The following FOXF1 variants were observed in gnomAD, a reference collection of about 807,000 sequenced individuals.
FOXF1 encodes the protein forkhead box protein F1.
In FOXF1, 9 loss-of-function variants were observed where a neutral mutation model predicts 26.6. The ratio of observed to expected loss-of-function variants is 0.34; its 90% confidence interval spans 0.20 to 0.59. The LOEUF (loss-of-function observed/expected upper bound fraction) is 0.59. FOXF1 is among the 20% of genes least tolerant of loss of function. The pLI is 0.83. For missense variants in FOXF1, 499 were observed against 549.9 expected, an observed-to-expected ratio of 0.91 and a Z score of 0.93; for synonymous variants, 330 against 257.7, an observed-to-expected ratio of 1.28 and a Z score of -2.69.
Position 86,510,617 on chromosome 16 carries a change from C to G in FOXF1, c.48C>G (p.Gly16=). ...EKQQPPHGGG[G]GGGGGGGAAM... ...AGCAGCCACCGCACGGCGGCGGCGGCGGCGGCGGCGGGGGAGGCGGCGCGG... is the reference window on the plus strand; with the variant it reads ...AGCAGCCACCGCACGGCGGCGGCGGGGGCGGCGGCGGGGGAGGCGGCGCGG... Residue 16 remains glycine, a synonymous_variant, in exon 1 of 2, where the codon GGC becomes GGG. Transcript: ENST00000262426. 7.2e-7 allele frequency: 1 copy of G among 1,393,158 alleles called. No homozygotes were observed. Among genetic ancestry groups the G allele is most frequent in the South Asian group, 1.8e-5 (1 of 55,448 alleles). 86.3% of individuals were successfully genotyped at this position (1,393,158 alleles called of 1,614,324 possible).
At position 86,511,373 on chromosome 16, in the gene FOXF1, G is replaced by A. The variant is rs762742876; in HGVS notation, c.804G>A (p.Ala268=). ...EPHAVYSGSA[A]AWPPSASAAL... ...ACGCCGTCTACTCGGGCTCGGCGGC[G>A]GCCTGGCCGCCCTCGGCGTCCGCGG... The change falls in exon 1 of 2, where the codon GCG becomes GCA. Residue 268 remains alanine, a synonymous_variant. Coordinates refer to ENST00000262426, the MANE Select transcript of FOXF1 (RefSeq NM_001451.3). 5.1e-6 allele frequency: 8 copies of A among 1,577,524 alleles called. No individual in the cohort carries two copies. The highest frequency in any genetic ancestry group is 2.3e-5 in the East Asian group (1 of 43,740).
rs757785467 is a variant in FOXF1 at position 86,511,073 on chromosome 16, C to T, written c.504C>T (p.Asp168=). The T allele has an allele frequency of 1.2e-6, 2 of 1,610,156 alleles. No individual in the cohort carries two copies. The highest frequency in any genetic ancestry group is 2.2e-5 in the South Asian group (2 of 91,090). ...GGCTCGGCTTCAACCACCTCCCGGA[C>T]ACCTACGGCTTCCAGGGCTCGGCCG... is the stretch of plus-strand genomic sequence containing the variant. ...MNGLGFNHLP[D]TYGFQGSAGG... is the part of the protein sequence containing the mutation. The change falls in exon 1 of 2, where the codon GAC becomes GAT. Residue 168 remains aspartate, a synonymous_variant. Coordinates refer to ENST00000262426, the MANE Select transcript of FOXF1 (RefSeq NM_001451.3).
chr16:86,510,804 C>G lies in FOXF1; in HGVS notation c.235C>G (p.Gln79Glu). The change falls in exon 1 of 2, where the codon CAG becomes GAG. Residue 79 changes from glutamine to glutamate, a missense_variant. Gln to Glu is a conservative substitution (Grantham distance 29, BLOSUM62 2). This residue lies in a region of FOXF1 where 20 missense variants were observed against 56.1 expected (regional missense o/e 0.36). Transcript: ENST00000262426. ...GCTGAGCGAGATCTACCAGTTCCTG[C>G]AGAGCCGCTTCCCCTTCTTCCGGGG... The part of the protein sequence containing the change: ...LTLSEIYQFL[Q>E]SRFPFFRGSY... The G allele has an allele frequency of 6.2e-7, 1 of 1,614,216 alleles. No homozygotes were observed. Among genetic ancestry groups the G allele is most frequent in the Non-Finnish European group, 8.5e-7 (1 of 1,180,044 alleles).
At chr16:86,512,412 C>T (rs959374067) in intron 1 of FOXF1, among the ~76,000 whole-genome samples, 3 of 152,222 alleles carry the variant, frequency 2.0e-5, no homozygotes, top group African/African-American at 7.2e-5. Flanking sequence ...GCCTGGAGGC[C>T]TTAGGCAGCC....
chr16:86,511,576 G>T, intron 1 of FOXF1, 28 bp downstream of exon 1: 6 of 1,562,222 alleles, frequency 3.8e-6, no homozygotes, highest in Non-Finnish European at 5.2e-6. Flanking sequence ...GGGCGCCCTG[G>T]TCCCCGGGAA....
chr16:86,512,065 C>T (rs938157045), intron 1 of FOXF1, among the ~76,000 whole-genome samples: 1 of 152,250 alleles, frequency 6.6e-6, no homozygotes, highest in Admixed American at 6.5e-5. Flanking sequence ...GGGGACCAGA[C>T]CTGGCAGACC....
chr16:86,512,886 T>C (rs1969589953), intron 1 of FOXF1, 39 bp from the exon 2 acceptor site: 1 of 1,612,658 alleles, frequency 6.2e-7, no homozygotes, highest in Non-Finnish European at 8.5e-7. Context: ...TGGCTAACTC[T>C]TCTGCTCCCC....
At chr16:86,512,696 A>G (rs1028028015) in intron 1 of FOXF1, among the ~76,000 whole-genome samples, 1 of 128,714 alleles carries the variant, frequency 7.8e-6, no homozygotes, top group Admixed American at 8.1e-5. Context: ...CGCAGCAGGC[A>G]GGCAGGCAGG....
Position 86,510,593 on chromosome 16 carries a change from GC to G in FOXF1, c.25del (p.Gln9SerfsTer61). On this transcript the variant is annotated frameshift_variant, in exon 1 of 2. Coordinates refer to ENST00000262426, the MANE Select transcript of FOXF1 (RefSeq NM_001451.3). LOFTEE classifies it high-confidence loss of function. ...CGATGTCTTCGGCGCCCGAGAAGCA[GC>G]AGCCACCGCACGGCGGCGGCGGCGG... MSSAPEKQ[Q>X]PPHGGGGGGG... 1 of 1,383,138 alleles carries G rather than the reference GC, an allele frequency of 7.2e-7. No individual in the cohort carries two copies. Among genetic ancestry groups the G allele is most frequent in the South Asian group, 1.8e-5 (1 of 56,092 alleles). 85.7% of individuals were successfully genotyped at this position (1,383,138 alleles called of 1,614,324 possible).
chr16:86,513,022 C>A lies in FOXF1; in HGVS notation c.1077C>A (p.Ala359=). 2 of 1,613,894 alleles carry A rather than the reference C, an allele frequency of 1.2e-6. No homozygotes were observed. The highest frequency in any genetic ancestry group is 2.2e-5 in the South Asian group (2 of 91,088). ...NAMASSSMHS[A]GGGSYYHQQV... ...TGGCGTCCTCTTCCATGCACTCGGC[C>A]GGCGGGGGCTCCTACTACCACCAGC... The change falls in exon 2 of 2, where the codon GCC becomes GCA. Residue 359 remains alanine, a synonymous_variant. Transcript: ENST00000262426.
At position 86,511,281 on chromosome 16, in the gene FOXF1, C is replaced by A; in HGVS notation, c.712C>A (p.His238Asn). 1 of 1,524,252 alleles carries A rather than the reference C, an allele frequency of 6.6e-7. No individual in the cohort carries two copies. Among genetic ancestry groups the A allele is most frequent in the Non-Finnish European group, 8.8e-7 (1 of 1,142,574 alleles). The allele number at this position is 1,524,252 out of a possible 1,614,324, so 94.4% of individuals were successfully genotyped here. Residue 238 changes from histidine to asparagine, a missense_variant, in exon 1 of 2, where the codon CAC becomes AAC. His to Asn is a moderately conservative substitution (Grantham distance 68). This residue lies in a region of FOXF1 where 367 missense variants were observed against 324.8 expected (regional missense o/e 1.13). Transcript: ENST00000262426. ...CGGCGCGGCGGCCGGCGAGTACCCG[C>A]ACCACGACAGCTCGGTGCCCGCCTC... ...CGGAAAGEYP[H>N]HDSSVPASPL...
rs765834579 is a variant in FOXF1, at chr16:86,510,543, A to AGCG, written c.-15_-13dup. On this transcript the variant is annotated 5_prime_UTR_variant, in exon 1 of 2. Transcript: ENST00000262426. ...GTCCGCGGCGCAGAGCAGCGGCGGC[A>AGCG]GCGGCGGCGGCGGCAGCAGCCACCC... 26 of 1,293,098 alleles carry AGCG rather than the reference A, an allele frequency of 2.0e-5. No individual in the cohort carries two copies. Among genetic ancestry groups the AGCG allele is most frequent in the East Asian group, 3.4e-5 (1 of 29,468 alleles). The allele number at this position is 1,293,098 out of a possible 1,614,324, so 80.1% of individuals were successfully genotyped here. A position where few individuals can be genotyped will look rare whatever the true frequency, so the allele number is the denominator to read the frequency against.
intron 1 of FOXF1, 78 bp downstream of exon 1, chr16:86,511,626 C>G (rs942582673): frequency 6.5e-7 from 1 of 1,533,504 alleles, no homozygotes; most frequent in Non-Finnish European, 8.7e-7. Flanking sequence ...TGGGGCGAGC[C>G]CCTCCACTTC....
chr16:86,511,048 G>T lies in FOXF1; in HGVS notation c.479G>T (p.Gly160Val). 1 of 1,611,518 alleles carries T rather than the reference G, an allele frequency of 6.2e-7. No individual in the cohort carries two copies. The highest frequency in any genetic ancestry group is 8.5e-7 in the Non-Finnish European group (1 of 1,179,956). The change falls in exon 1 of 2, where the codon GGG (glycine) becomes GTG (valine). Residue 160 changes from glycine to valine, a missense_variant. Physicochemically the swap from Gly to Val is moderately radical, Grantham distance 109. Transcript: ENST00000262426. The stretch of plus-strand genomic sequence containing the variant: ...AAGCCCATGTACAGCATGATGAACG[G>T]GCTCGGCTTCAACCACCTCCCGGAC... ...ALKPMYSMMN[G>V]LGFNHLPDTY...
At position 86,513,539 on chromosome 16, in the gene FOXF1, T is replaced by C. The variant is rs45509493; in HGVS notation, c.*454T>C. 2.8e-5 allele frequency: 3 copies of C among 107,922 alleles called. No individual in the cohort carries two copies. Among genetic ancestry groups the C allele is most frequent in the East Asian group, 4.3e-4 (1 of 2,306 alleles). The allele number at this position is 107,922 out of a possible 1,614,324, so 6.7% of individuals were successfully genotyped here. A position where few individuals can be genotyped will look rare whatever the true frequency, so the allele number is the denominator to read the frequency against. On this transcript the variant is annotated 3_prime_UTR_variant, in exon 2 of 2. Coordinates refer to ENST00000262426, the MANE Select transcript of FOXF1 (RefSeq NM_001451.3). ...TTTTTTGGTTGAGTATTTATCTTTTTATTTTTTATTTTTTTTTTGAAAGAA... is the reference window on the plus strand; with the variant it reads ...TTTTTTGGTTGAGTATTTATCTTTTCATTTTTTATTTTTTTTTTGAAAGAA...
chr16:86,513,224 C>CCCA lies in FOXF1; in HGVS notation c.*139_*140insCCA, dbSNP rs1969596318. The CCCA allele has an allele frequency of 9.8e-6, 8 of 820,310 alleles. No homozygotes were observed. Among genetic ancestry groups the CCCA allele is most frequent in the East Asian group, 8.0e-5 (3 of 37,400 alleles). The allele number at this position is 820,310 out of a possible 1,614,324, so 50.8% of individuals were successfully genotyped here. Reference sequence around the variant, plus strand: ...ACCTCTCCCCAACCGGAGTTTTTGGCAAGGAGTCCCCAATGCAAAGACACA... The same window carrying CCCA: ...ACCTCTCCCCAACCGGAGTTTTTGGCCCAAAGGAGTCCCCAATGCAAAGACACA... On this transcript the variant is annotated 3_prime_UTR_variant, in exon 2 of 2. Coordinates refer to ENST00000262426, the MANE Select transcript of FOXF1 (RefSeq NM_001451.3).
rs184721625 is a variant in FOXF1, at chr16:86,511,573, C to G, written c.979+25C>G. On this transcript the variant is annotated intron_variant, in intron 1 of 1. Transcript: ENST00000262426. ...GGTGAGTGGGGAGGCCGAGGGCGCCCTGGTCCCCGGGAAGTCGAGTCTGAG... is the reference window on the plus strand; with the variant it reads ...GGTGAGTGGGGAGGCCGAGGGCGCCGTGGTCCCCGGGAAGTCGAGTCTGAG... The G allele has an allele frequency of 8.9e-4, 1,393 of 1,564,800 alleles. 11 individuals carry two copies. The African/African-American group carries it at 0.017, about 19-fold the overall frequency.
rs540294538 is a variant in FOXF1 at position 86,512,825 on chromosome 16, C to G, written c.980-100C>G. ...GTGCTCTGGAGCCAGGCTGACAGGC[C>G]CTGTGCGCCCCACGGGAGCACTGCT... On this transcript the variant is annotated intron_variant, in intron 1 of 1. Transcript: ENST00000262426. The G allele has an allele frequency of 2.9e-4, 415 of 1,407,406 alleles. 3 individuals are homozygous for G. The African/African-American group carries it at 5.3e-3, about 18-fold the overall frequency. 87.2% of individuals were successfully genotyped at this position (1,407,406 alleles called of 1,614,324 possible). A position where few individuals can be genotyped will look rare whatever the true frequency, so the allele number is the denominator to read the frequency against.
chr16:86,513,032 T>G lies in FOXF1; in HGVS notation c.1087T>G (p.Ser363Ala), dbSNP rs768219608. 6.2e-7 allele frequency: 1 copy of G among 1,613,618 alleles called. No homozygotes were observed. The highest frequency in any genetic ancestry group is 2.2e-5 in the East Asian group (1 of 44,860). ...SSSMHSAGGG[S>A]YYHQQVTYQD... ...TTCCATGCACTCGGCCGGCGGGGGC[T>G]CCTACTACCACCAGCAGGTCACCTA... The change falls in exon 2 of 2, where the codon TCC becomes GCC. Residue 363 changes from serine (S) to alanine (A), a missense_variant. Physicochemically the swap from Ser to Ala is moderately conservative, Grantham distance 99. Around this residue, in one of 5 missense-constraint regions of FOXF1, gnomAD observed 367 missense variants for 324.8 expected, o/e 1.13. Coordinates refer to ENST00000262426, the MANE Select transcript of FOXF1 (RefSeq NM_001451.3).
Sources: allele counts gnomAD v4.1 joint callset (sites outside exome capture counted in the v4.1 genomes callset), GRCh38; gene constraint gnomAD v4.1.1; regional missense constraint gnomAD v4.1.1; transcripts MANE v1.5; gene names NCBI Gene and HGNC (gene_info 2026-07-23, HGNC 2026-07-21).